Variants in SLC26A3 observed in about 807,000 individuals in gnomAD.
SLC26A3 encodes the protein chloride anion exchanger.
Under a neutral mutation model 85.6 loss-of-function variants are expected in SLC26A3, and 64 were observed. The ratio of observed to expected loss-of-function variants is 0.75; its 90% CI spans 0.61 to 0.92. SLC26A3 has a LOEUF of 0.92. Among genes scored for constraint, SLC26A3 ranks in the 40% least tolerant of loss-of-function variants. The pLI is 0.00. For synonymous variants in SLC26A3, 349 were observed against 336.0 expected (o/e 1.04, Z -0.42); for missense variants, 922 against 927.3 (o/e 0.99, Z 0.07).
chr7:107,783,668 C>T (rs1470536907), intron 8 of SLC26A3, among the ~76,000 whole-genome samples: 1 of 152,196 alleles, frequency 6.6e-6, no homozygotes, highest in African/African-American at 2.4e-5. Flanking sequence ...TCTTCTATTC[C>T]ACTTGTATTG....
intron 11 of SLC26A3, among the ~76,000 whole-genome samples, chr7:107,780,542 C>T (rs1794200220): frequency 6.6e-6 from 1 of 152,124 alleles, no homozygotes; most frequent in South Asian, 2.1e-4. Flanking sequence ...TCCTGTTCCC[C>T]CTGCCAATTT....
In SLC26A3 at chr7:107,782,881, G is replaced by A; in HGVS notation, c.1234-7C>T. 2 of 1,613,684 alleles carry A rather than the reference G, an allele frequency of 1.2e-6. No homozygotes were observed. The highest frequency in any genetic ancestry group is 1.7e-6 in the Non-Finnish European group (2 of 1,179,886). On this transcript the variant is annotated splice_polypyrimidine_tract_variant and splice_region_variant and intron_variant, in intron 10 of 20. Transcript: ENST00000340010. ...CACCAATAAGCCCAGCAATCTGTGA[G>A]GATAAAAAAATTATCATCACCAACT...
intron 12 of SLC26A3, among the ~76,000 whole-genome samples, chr7:107,779,179 C>A (rs1794177501): frequency 6.6e-6 from 1 of 152,178 alleles, no homozygotes; most frequent in Non-Finnish European, 1.5e-5. Flanking sequence ...GGTATGTTAA[C>A]AGGCATTTTT....
chr7:107,773,253 T>C (rs902280505), intron 17 of SLC26A3, among the ~76,000 whole-genome samples: 2 of 152,208 alleles, frequency 1.3e-5, no homozygotes, highest in Non-Finnish European at 2.9e-5. Context: ...TTACATTTTT[T>C]CCCAGGACCT....
chr7:107,775,590 G>A (rs1004063577), intron 15 of SLC26A3, among the ~76,000 whole-genome samples: 3 of 151,794 alleles, frequency 2.0e-5, no homozygotes, highest in African/African-American at 7.3e-5. Context: ...CACTTAGCGG[G>A]GTGTAGTGGC....
intron 20 of SLC26A3, among the ~76,000 whole-genome samples, chr7:107,766,552 C>A (rs1793918775): frequency 6.6e-6 from 1 of 152,144 alleles, no homozygotes. Flanking sequence ...CTAGAATGGC[C>A]TTTTCATCTG....
In SLC26A3 at chr7:107,794,495, A is replaced by G. The variant is rs755723694; in HGVS notation, c.15T>C (p.Phe5=). ...GCCTGGCCACAATATACTGATTCCC[A>G]AAGGGTTCAATCATTTTGATTTTTC... MIEP[F]GNQYIVARPV... Residue 5 remains phenylalanine (F), a synonymous_variant, in exon 2 of 21, where the codon TTT becomes TTC. Transcript: ENST00000340010. 3 of 1,614,028 alleles carry G rather than the reference A, an allele frequency of 1.9e-6. No individual in the cohort carries two copies. Among genetic ancestry groups the G allele is most frequent in the Non-Finnish European group, 2.5e-6 (3 of 1,179,910 alleles).
At chr7:107,770,196 G>GTTTTTTTTTTT (rs1554377240) in intron 18 of SLC26A3, among the ~76,000 whole-genome samples, 1 of 898 alleles carries the variant, frequency 1.1e-3, no homozygotes, top group Non-Finnish European at 3.6e-3. Context: ...AAAAAAAGGG[G>GTTTTTTTTTTT]TTTTTTTTTT....
chr7:107,796,932 G>T (rs781491210), intron 1 of SLC26A3, among the ~76,000 whole-genome samples: 2 of 151,978 alleles, frequency 1.3e-5, no homozygotes, highest in Non-Finnish European at 1.5e-5. Context: ...CCCCAAAAAA[G>T]ATCTTGAAGG....
At chr7:107,786,751 G>A (rs1794302443) in intron 8 of SLC26A3, 76 bp downstream of exon 8, 9 of 1,238,790 alleles carry the variant, frequency 7.3e-6, no homozygotes, top group South Asian at 2.4e-5. Context: ...ACTGCAGTTC[G>A]GATTGTACCT....
chr7:107,779,598 T>G, intron 12 of SLC26A3, 70 bp downstream of exon 12: 1 of 1,181,682 alleles, frequency 8.5e-7, no homozygotes, highest in South Asian at 1.2e-5. Flanking sequence ...AATATAAACA[T>G]GCATTTCACA....
chr7:107,794,552 A>G lies in SLC26A3; in HGVS notation c.-43T>C, dbSNP rs770912757. 6.2e-7 allele frequency: 1 copy of G among 1,612,422 alleles called. No individual in the cohort carries two copies. The highest frequency in any genetic ancestry group is 1.7e-5 in the Admixed American group (1 of 60,016). On this transcript the variant is annotated 5_prime_UTR_variant, in exon 2 of 21. Transcript: ENST00000340010. The stretch of plus-strand genomic sequence containing the variant: ...CTGTGGCAAGTTGAAGACCTTTGCA[A>G]CTATGTGGTGAACACTTCTTCTTGC...
chr7:107,786,725 G>A lies in SLC26A3; in HGVS notation c.971+102C>T, dbSNP rs1249136020. The A allele has an allele frequency of 5.2e-6, 5 of 958,818 alleles. No homozygotes were observed. The East Asian group carries it at 1.2e-4, about 23-fold the overall frequency. The allele number at this position is 958,818 out of a possible 1,614,324, so 59.4% of individuals were successfully genotyped here. On this transcript the variant is annotated intron_variant, in intron 8 of 20. Coordinates refer to ENST00000340010, the MANE Select transcript of SLC26A3 (RefSeq NM_000111.3). The stretch of plus-strand genomic sequence containing the variant: ...GGGTGCAGGGAGGATTCTGATGAGG[G>A]TTACCTGCAGGCTGAACTGCAGTTC...
At chr7:107,776,409 A>G in intron 15 of SLC26A3, 43 bp downstream of exon 15, 1 of 1,373,318 alleles carries the variant, frequency 7.3e-7, no homozygotes, top group East Asian at 2.3e-5. Flanking sequence ...CCCAGAATTC[A>G]GTAAGATTAC....
At chr7:107,790,967 AG>A (rs1402127018) in intron 5 of SLC26A3, 80 bp downstream of exon 5, 6 of 1,419,628 alleles carry the variant, frequency 4.2e-6, no homozygotes, top group Non-Finnish European at 3.9e-6. Flanking sequence ...GAGGAGTGGC[AG>A]GGGGGAGGAA....
rs760037858 is a variant in SLC26A3 at position 107,783,392 on chromosome 7, A to T, written c.972-40T>A. The T allele has an allele frequency of 2.5e-6, 4 of 1,610,584 alleles. No homozygotes were observed. The African/African-American group carries it at 4.0e-5, about 16-fold the overall frequency. On this transcript the variant is annotated intron_variant, in intron 8 of 20. Coordinates refer to ENST00000340010, the MANE Select transcript of SLC26A3 (RefSeq NM_000111.3). ...AAGCAAGTCTGAATGTCACCAACCA[A>T]TTTATAAACTGATATAACCATTGGG...
Position 107,789,638 on chromosome 7 carries a change from C to T in SLC26A3, c.621G>A (p.Glu207=). Residue 207 remains glutamate (E), a synonymous_variant, in exon 6 of 21, where the codon GAG becomes GAA. Transcript: ENST00000340010. ...RIGFVVIYLS[E]SLISGFTTAA... is the part of the protein sequence containing the mutation. ...CAGTAGTGAAGCCACTGATGAGGGA[C>T]TCAGACAGGTATATCACTACAAATC... 6.2e-7 allele frequency: 1 copy of T among 1,614,014 alleles called. No homozygotes were observed. The highest frequency in any genetic ancestry group is 1.1e-5 in the South Asian group (1 of 91,056).
intron 5 of SLC26A3, 68 bp from the exon 6 acceptor site, chr7:107,789,756 C>T: frequency 2.7e-6 from 4 of 1,472,004 alleles, no homozygotes; most frequent in Non-Finnish European, 3.7e-6. Context: ...CAAGGATCCG[C>T]AACTGAAATA....
intron 13 of SLC26A3, among the ~76,000 whole-genome samples, chr7:107,777,651 T>C (rs992457392): frequency 2.0e-5 from 3 of 152,118 alleles, no homozygotes; most frequent in African/African-American, 7.2e-5. Context: ...GAATGATTAT[T>C]AAAAATCAAG....
Sources: gnomAD v4.1 joint callset for allele counts (sites outside exome capture counted in the v4.1 genomes callset) on GRCh38, gnomAD v4.1.1 for gene constraint, MANE v1.5 for transcripts, NCBI Gene and HGNC (gene_info 2026-07-23, HGNC 2026-07-21) for gene names.